CAMSAP1: variants seen among roughly 807,000 people sequenced by gnomAD.
The protein encoded by CAMSAP1 is calmodulin regulated spectrin associated protein 1, also known as calmodulin-regulated spectrin-associated protein 1.
A neutral mutation model predicts 143.5 loss-of-function variants in CAMSAP1; 58 were observed. That is an observed-to-expected ratio of 0.40 (90% CI 0.33 to 0.50). The LOEUF (loss-of-function observed/expected upper bound fraction) is 0.50, where lower values mean the gene tolerates loss of function less well. Ranked by LOEUF, CAMSAP1 falls within the 20% of genes least tolerant of loss-of-function variation. The pLI, the probability that CAMSAP1 is intolerant of heterozygous loss-of-function variation, is 0.45. For synonymous variants in CAMSAP1, 945 were observed against 859.3 expected (o/e 1.10, Z -1.74); for missense variants, 1,969 against 2,115.7 (o/e 0.93, Z 1.36).
intron 1 of CAMSAP1, among the ~76,000 whole-genome samples, chr9:135,892,848 C>CAAAAAAAAA (rs59978082): frequency 0.039 from 1,625 of 41,968 alleles, 207 homozygotes; most frequent in African/African-American, 0.087. Context: ...AAGACTGTCT[C>CAAAAAAAAA]AAAAAAAAAA....
At chr9:135,819,196 G>A (rs1441823780) in intron 11 of CAMSAP1, 50 bp from the exon 12 acceptor site, 4 of 1,556,788 alleles carry the variant, frequency 2.6e-6, no homozygotes, top group East Asian at 2.3e-5. Context: ...CTCAGACGCC[G>A]GACACGGCCG....
intron 1 of CAMSAP1, among the ~76,000 whole-genome samples, chr9:135,888,303 A>C (rs1838188199): frequency 6.6e-6 from 1 of 152,222 alleles, no homozygotes; most frequent in African/African-American, 2.4e-5. Flanking sequence ...GCAGGTCAGG[A>C]AGTGGCCATC....
intron 5 of CAMSAP1, among the ~76,000 whole-genome samples, chr9:135,856,618 C>G (rs1025360090): frequency 9.9e-5 from 15 of 152,206 alleles, no homozygotes; most frequent in Non-Finnish European, 1.8e-4. Context: ...AGGTGGTCCT[C>G]TGTGTGCCTC....
intron 1 of CAMSAP1, among the ~76,000 whole-genome samples, chr9:135,899,563 C>T (rs1300972655): frequency 2.6e-5 from 4 of 152,108 alleles, no homozygotes. Flanking sequence ...AGTGGTTCCC[C>T]AATTCCCACA....
intron 7 of CAMSAP1, among the ~76,000 whole-genome samples, chr9:135,848,860 A>G (rs982073779): frequency 1.4e-4 from 21 of 152,230 alleles, no homozygotes; most frequent in African/African-American, 4.6e-4. Context: ...GGGCTTGCTG[A>G]GCCAAAGGGC....
In CAMSAP1 at chr9:135,821,432, C is replaced by T. The variant is rs751483955; in HGVS notation, c.3229G>A (p.Glu1077Lys). ...GCCACGCCCGTGGGAGAGAGTGGCT[C>T]CACGAAGTGGACTGGTGCCTTCACT... is the stretch of plus-strand genomic sequence containing the variant. Reference protein sequence around the residue: ...HKVKAPVHFVEPLSPTGVAGH... With the variant: ...HKVKAPVHFVKPLSPTGVAGH... Residue 1077 changes from glutamate (E) to lysine (K), a missense_variant, in exon 11 of 17, where the codon GAG becomes AAG. Glu to Lys is a moderately conservative substitution (Grantham distance 56). This residue lies in a region of CAMSAP1 where 1,390 missense variants were observed against 1,420.8 expected (regional missense o/e 0.98). Coordinates refer to ENST00000389532, the MANE Select transcript of CAMSAP1 (RefSeq NM_015447.4). This position sits in a 1 kb window ranked among gnomAD's most constrained non-coding sequence, Gnocchi z 4.6. The T allele has an allele frequency of 1.2e-6, 2 of 1,614,054 alleles. No individual in the cohort carries two copies. The highest frequency in any genetic ancestry group is 1.7e-6 in the Non-Finnish European group (2 of 1,179,894).
intron 3 of CAMSAP1, among the ~76,000 whole-genome samples, chr9:135,870,177 C>T (rs558238431): frequency 3.9e-5 from 6 of 152,318 alleles, no homozygotes; most frequent in Admixed American, 2.0e-4. Context: ...ATAATTCCCA[C>T]ATGTTGAGGG....
intron 1 of CAMSAP1, among the ~76,000 whole-genome samples, chr9:135,887,132 G>A (rs62585182): frequency 0.14 from 21,338 of 152,130 alleles, 1,671 homozygotes; most frequent in Non-Finnish European, 0.17. Flanking sequence ...GTGAGAGCCG[G>A]GCGCAGTGGG....
intron 1 of CAMSAP1, among the ~76,000 whole-genome samples, chr9:135,899,986 G>A (rs1393219384): frequency 1.3e-5 from 2 of 152,124 alleles, no homozygotes; most frequent in African/African-American, 4.8e-5. Flanking sequence ...AGGATACGAA[G>A]GGCCCCACAG....
intron 4 of CAMSAP1, chr9:135,866,234 T>A: frequency 2.0e-6 from 1 of 508,514 alleles, no homozygotes; most frequent in Non-Finnish European, 3.6e-6. Context: ...CACCATAAAG[T>A]GCAATACAAA....
intron 1 of CAMSAP1, among the ~76,000 whole-genome samples, chr9:135,906,758 G>C (rs934915587): frequency 2.6e-5 from 4 of 152,086 alleles, no homozygotes; most frequent in South Asian, 2.1e-4. Context: ...AAATAGGAGC[G>C]GAAGCCCCGA....
intron 16 of CAMSAP1, among the ~76,000 whole-genome samples, chr9:135,812,617 A>C (rs1389027834): frequency 1.3e-5 from 2 of 152,198 alleles, no homozygotes; most frequent in Non-Finnish European, 2.9e-5. Context: ...ATGTACTAAA[A>C]ACCACTGAAT....
chr9:135,868,809 G>C (rs1837474549), intron 3 of CAMSAP1, among the ~76,000 whole-genome samples: 1 of 151,720 alleles, frequency 6.6e-6, no homozygotes, highest in Admixed American at 6.6e-5. Flanking sequence ...GCAGAGACAG[G>C]ATTTCACCGT....
chr9:135,868,921 T>C (rs986487851), intron 3 of CAMSAP1, among the ~76,000 whole-genome samples: 1 of 151,934 alleles, frequency 6.6e-6, no homozygotes, highest in Admixed American at 6.6e-5. Context: ...CAGCCAAGAT[T>C]GGCAATATCA....
At chr9:135,895,252 CA>C (rs1467225070) in intron 1 of CAMSAP1, among the ~76,000 whole-genome samples, 1 of 151,796 alleles carries the variant, frequency 6.6e-6, no homozygotes, top group African/African-American at 2.4e-5. Flanking sequence ...GAGTGAACTC[CA>C]AAAAAGATAA....
chr9:135,894,118 G>C (rs1588510105), intron 1 of CAMSAP1, among the ~76,000 whole-genome samples: 1 of 152,124 alleles, frequency 6.6e-6, no homozygotes, highest in South Asian at 2.1e-4. Flanking sequence ...TACCACACCA[G>C]GCGAGCCCAA....
chr9:135,843,956 G>C (rs543026264), intron 7 of CAMSAP1, among the ~76,000 whole-genome samples: 1 of 149,540 alleles, frequency 6.7e-6, no homozygotes, highest in Non-Finnish European at 1.5e-5. Context: ...GATTCATAAA[G>C]CAAGTTCTTA....
Position 135,813,189 on chromosome 9 carries a change from C to T in CAMSAP1, c.4507-1578G>A, listed in dbSNP as rs184716773. Reference sequence around the variant, plus strand: ...GGAATCTCAGGGTCAAGCCCTCGACCTCGAAAGGCTAAGGCCTCATCGCCT... The same window carrying T: ...GGAATCTCAGGGTCAAGCCCTCGACTTCGAAAGGCTAAGGCCTCATCGCCT... On this transcript the variant is annotated intron_variant, in intron 16 of 16. Coordinates refer to ENST00000389532, the MANE Select transcript of CAMSAP1 (RefSeq NM_015447.4). Among the ~76,000 whole-genome samples, 401 of 152,298 alleles carry T rather than the reference C, an allele frequency of 2.6e-3. 2 individuals carry two copies. Among genetic ancestry groups the T allele is most frequent in the Middle Eastern group, 0.014 (4 of 294 alleles).
In CAMSAP1 at chr9:135,882,863, C is replaced by T; in HGVS notation, c.376G>A (p.Asp126Asn). 6.4e-7 allele frequency: 1 copy of T among 1,551,510 alleles called. No individual in the cohort carries two copies. The highest frequency in any genetic ancestry group is 2.4e-5 in the East Asian group (1 of 40,910). ...RKGIYVMESD[D>N]TPVTESDLSR... is the part of the protein sequence containing the mutation. The stretch of plus-strand genomic sequence containing the variant: ...AGGTCGGACTCTGTCACGGGGGTGT[C>T]ATCACTCTCCATCACATAGATCCCT... The change falls in exon 2 of 17, where the codon GAC (aspartate) becomes AAC (asparagine). Residue 126 changes from aspartate to asparagine, a missense_variant. Asp to Asn is a conservative substitution (Grantham distance 23). Around this residue, in one of 4 missense-constraint regions of CAMSAP1, gnomAD observed 215 missense variants for 196.2 expected, o/e 1.10. Transcript: ENST00000389532. This position sits in a 1 kb window ranked among gnomAD's most constrained non-coding sequence, Gnocchi z 4.9.
Sources: allele counts gnomAD v4.1 joint callset (sites outside exome capture counted in the v4.1 genomes callset), GRCh38; gene constraint gnomAD v4.1.1; regional missense constraint gnomAD v4.1.1; non-coding constraint Gnocchi (gnomAD v3.1); transcripts MANE v1.5; gene names NCBI Gene and HGNC (gene_info 2026-07-23, HGNC 2026-07-21).